The following TAF1D variants were observed in gnomAD, a reference collection of about 807,000 sequenced individuals.
TAF1D encodes the protein TATA box-binding protein-associated factor RNA polymerase I subunit D.
Under a neutral mutation model 26.2 loss-of-function variants are expected in TAF1D, and 23 were observed. The observed-to-expected ratio is 0.88, with a 90% confidence interval of 0.63 to 1.25. The LOEUF is 1.25. TAF1D is among the 50% of genes most tolerant of loss of function. The pLI is 0.00. For missense variants in TAF1D, 299 were observed against 322.0 expected (o/e 0.93, Z 0.55); for synonymous variants, 100 against 105.6 (o/e 0.95, Z 0.33).
chr11:93,732,981 C>T (rs2135446350), downstream of TAF1D: 1 of 308,182 alleles, frequency 3.2e-6, no homozygotes, highest in Non-Finnish European at 6.4e-6. Flanking sequence ...AATATTTTTG[C>T]CAGTATCTTA....
chr11:93,737,023 T>C (rs1179462434), intron 4 of TAF1D, 41 bp downstream of exon 4: 3 of 1,481,332 alleles, frequency 2.0e-6, no homozygotes, highest in Non-Finnish European at 9.0e-7. Flanking sequence ...GAAATTTAAT[T>C]TATAACCTAT....
chr11:93,735,992 T>C lies in TAF1D; in HGVS notation c.*169A>G. The C allele has an allele frequency of 3.6e-6, 5 of 1,384,720 alleles. No homozygotes were observed. The highest frequency in any genetic ancestry group is 4.7e-6 in the Non-Finnish European group (5 of 1,074,228). The allele number at this position is 1,384,720 out of a possible 1,614,324, so 85.8% of individuals were successfully genotyped here. ...TTTCTAATTATTACTACTTCACAAG[T>C]TTCTTTCACAAACTTCTTCACAGGG... is the stretch of plus-strand genomic sequence containing the variant. On this transcript the variant is annotated 3_prime_UTR_variant, in exon 6 of 6. Transcript: ENST00000448108.
At chr11:93,740,687 C>T (rs1028303302) in intron 1 of TAF1D, among the ~76,000 whole-genome samples, 3 of 151,998 alleles carry the variant, frequency 2.0e-5, no homozygotes, top group African/African-American at 7.3e-5. Flanking sequence ...CAAGGTCTTA[C>T]TAGTTTTTTT....
At chr11:93,730,589 G>C (rs748406822), downstream of TAF1D, 12 of 595,906 alleles carry the variant, frequency 2.0e-5, no homozygotes, top group South Asian at 1.7e-4. Flanking sequence ...TCCATCTTTG[G>C]TCACAGCGTT....
chr11:93,731,024 A>T (rs1291516684), downstream of TAF1D: 2 of 518,916 alleles, frequency 3.9e-6, no homozygotes, highest in African/African-American at 3.9e-5. Flanking sequence ...CAGATAGAAA[A>T]CCTACTGGGA....
In TAF1D at chr11:93,739,349, A is replaced by C. The variant is rs1941338399; in HGVS notation, c.-27-18T>G. ...ACAGTTTTCTGAAATTATGAAATTT[A>C]GTAAATATGACAAAGCTTCCCTAAA... On this transcript the variant is annotated intron_variant, in intron 1 of 5. Transcript: ENST00000448108. The C allele has an allele frequency of 6.4e-7, 1 of 1,554,002 alleles. No individual in the cohort carries two copies. The highest frequency in any genetic ancestry group is 2.2e-5 in the East Asian group (1 of 44,518).
In TAF1D at chr11:93,739,961, CAAAAAAA is replaced by C. The variant is rs67574108; in HGVS notation, c.-27-637_-27-631del. On this transcript the variant is annotated intron_variant, in intron 1 of 5. Coordinates refer to ENST00000448108, the MANE Select transcript of TAF1D (RefSeq NM_024116.4). ...CCATGGTAGAGAGTATACAACATAC[CAAAAAAA>C]AAAAAAAAAAAAAAGAAAAAGATTC... 8.0e-3 allele frequency among the ~76,000 whole-genome samples: 657 copies of C among 82,418 alleles called. 9 individuals carry two copies. The highest frequency in any genetic ancestry group is 0.031 in the African/African-American group (579 of 18,828). 54.1% of individuals were successfully genotyped at this position (82,418 alleles called of 152,430 possible).
chr11:93,738,585 C>A, intron 2 of TAF1D, 86 bp from the exon 3 acceptor site: 1 of 1,335,092 alleles, frequency 7.5e-7, no homozygotes, highest in South Asian at 1.7e-5. Flanking sequence ...TACATTTCTT[C>A]CAAGACCAAC....
chr11:93,741,462 C>G lies in TAF1D; in HGVS notation c.-168G>C, dbSNP rs953085317. The G allele has an allele frequency of 1.5e-5, 7 of 456,170 alleles. No homozygotes were observed. Among genetic ancestry groups the G allele is most frequent in the Non-Finnish European group, 2.6e-5 (6 of 226,982 alleles). The allele number at this position is 456,170 out of a possible 1,614,324, so 28.3% of individuals were successfully genotyped here. A position where few individuals can be genotyped will look rare whatever the true frequency, so the allele number is the denominator to read the frequency against. ...CCTCAGCCCTCCAACTCCCGATAACCAGCCGACCTCCTCCAACCGTGCGGA... is the reference window on the plus strand; with the variant it reads ...CCTCAGCCCTCCAACTCCCGATAACGAGCCGACCTCCTCCAACCGTGCGGA... On this transcript the variant is annotated 5_prime_UTR_variant, in exon 1 of 6. Transcript: ENST00000448108.
exon 12 of TAF1D, chr11:93,730,561 G>A (rs1591199171): frequency 2.1e-6 from 1 of 482,006 alleles, no homozygotes; most frequent in East Asian, 4.0e-5. Flanking sequence ...GGAGTGCTAT[G>A]GCTTCCTATA....
chr11:93,731,335 T>A (rs781773603), downstream of TAF1D: 2 of 347,568 alleles, frequency 5.8e-6, no homozygotes. Flanking sequence ...AAGTAAGGTA[T>A]TGAAAATTCT....
Position 93,736,735 on chromosome 11 carries a change from C to T in TAF1D, c.652G>A (p.Ala218Thr). 6.2e-7 allele frequency: 1 copy of T among 1,610,898 alleles called. No homozygotes were observed. Among genetic ancestry groups the T allele is most frequent in the Non-Finnish European group, 8.5e-7 (1 of 1,179,118 alleles). Reference protein sequence around the residue: ...IEESTAEDEDATHLEDNECDI... With the variant: ...IEESTAEDEDTTHLEDNECDI... ...CATTCGTTATCTTCAAGATGTGTTGCATCCTCATCCTCTGCTCTGTAATAT... is the reference window on the plus strand; with the variant it reads ...CATTCGTTATCTTCAAGATGTGTTGTATCCTCATCCTCTGCTCTGTAATAT... The change falls in exon 5 of 6, where the codon GCA becomes ACA. Residue 218 changes from alanine to threonine, a missense_variant. Coordinates refer to ENST00000448108, the MANE Select transcript of TAF1D (RefSeq NM_024116.4).
rs1324249540 is a variant in TAF1D at position 93,739,293 on chromosome 11, T to A, written c.12A>T (p.Ser4=). 1 of 1,609,544 alleles carries A rather than the reference T, an allele frequency of 6.2e-7. No homozygotes were observed. Among genetic ancestry groups the A allele is most frequent in the Admixed American group, 1.7e-5 (1 of 58,778 alleles). The change falls in exon 2 of 6, where the codon TCA becomes TCT. Residue 4 remains serine (S), a synonymous_variant. Transcript: ENST00000448108. ...TCACATGGTCAAGAGAATCTATTCC[T>A]GATTTATCCATCAATTGCTCTTTGT... MDK[S]GIDSLDHVTS...
At chr11:93,740,410 G>A (rs1209649465) in intron 1 of TAF1D, among the ~76,000 whole-genome samples, 3 of 113,962 alleles carry the variant, frequency 2.6e-5, no homozygotes, top group Non-Finnish European at 4.9e-5. Context: ...CAGCCTGGAC[G>A]ACAGAGCAAG....
chr11:93,736,344 C>T (rs1034214155), intron 5 of TAF1D, 40 bp from the exon 6 acceptor site: 7 of 1,566,640 alleles, frequency 4.5e-6, no homozygotes, highest in Non-Finnish European at 6.0e-6. Flanking sequence ...TAAGCAATAA[C>T]TCAAATAGTT....
rs1341751711 is a variant in TAF1D, at chr11:93,741,425, C to T, written c.-131G>A. ...CTGGTGTCCTAGAGCTCTGTACACA[C>T]CACCCTCCCGACCTCAGCCCTCCAA... On this transcript the variant is annotated 5_prime_UTR_variant, in exon 1 of 6. It adds an upstream start codon to the 5' untranslated region. Coordinates refer to ENST00000448108, the MANE Select transcript of TAF1D (RefSeq NM_024116.4). 4.4e-6 allele frequency: 2 copies of T among 456,036 alleles called. No homozygotes were observed. The highest frequency in any genetic ancestry group is 3.3e-4 in the Middle Eastern group (1 of 3,076). 28.2% of individuals were successfully genotyped at this position (456,036 alleles called of 1,614,324 possible).
intron 2 of TAF1D, 123 bp from the exon 3 acceptor site, chr11:93,738,622 T>C: frequency 9.7e-7 from 1 of 1,031,672 alleles, no homozygotes; most frequent in East Asian, 2.7e-5. Flanking sequence ...GAATTAAAAA[T>C]TTTTTAAAGG....
chr11:93,740,433 G>GAAAA (rs59420824), intron 1 of TAF1D, among the ~76,000 whole-genome samples: 57 of 48,424 alleles, frequency 1.2e-3, no homozygotes, highest in African/African-American at 4.0e-3. Flanking sequence ...CCTGTCTCAG[G>GAAAA]AAAAAAAAAA....
downstream of TAF1D, chr11:93,732,295 G>GA (rs1170441543): frequency 6.1e-5 from 30 of 495,054 alleles, no homozygotes; most frequent in East Asian, 1.3e-3. Context: ...TGACACCCTG[G>GA]AAAAAAAAGC....
Sources: gnomAD v4.1 joint callset for allele counts (sites outside exome capture counted in the v4.1 genomes callset) on GRCh38, gnomAD v4.1.1 for gene constraint, MANE v1.5 for transcripts, NCBI Gene and HGNC (gene_info 2026-07-23, HGNC 2026-07-21) for gene names.